The following WDR48 variants were observed in gnomAD, a reference collection of about 807,000 sequenced individuals.
The protein encoded by WDR48 is WD repeat domain 48.
A neutral mutation model predicts 94.0 loss-of-function variants in WDR48; 22 were observed. The observed-to-expected ratio is 0.23, with a 90% CI of 0.17 to 0.33. The LOEUF (loss-of-function observed/expected upper bound fraction) is 0.33. WDR48 is among the 10% of genes least tolerant of loss of function. The probability of loss-of-function intolerance (pLI) is 1.00; values close to 1 mark genes in which losing one functional copy is unlikely to be tolerated. For synonymous variants in WDR48, 278 were observed against 280.5 expected, an observed-to-expected ratio of 0.99 and a Z score of 0.09; for missense variants, 541 against 813.8, an observed-to-expected ratio of 0.66 and a Z score of 4.08.
At chr3:39,087,675 G>C (rs894238197) in intron 14 of WDR48, 1 of 159,340 alleles carries the variant, frequency 6.3e-6, no homozygotes, top group Non-Finnish European at 1.4e-5. Flanking sequence ...GCAAAATTGT[G>C]GACTCCTTGA....
intron 1 of WDR48, among the ~76,000 whole-genome samples, chr3:39,053,667 T>C (rs2125627666): frequency 6.6e-6 from 1 of 152,278 alleles, no homozygotes; most frequent in Admixed American, 6.5e-5. Flanking sequence ...TTAAAACTCC[T>C]ATTACTGCAG....
intron 8 of WDR48, among the ~76,000 whole-genome samples, chr3:39,076,336 G>A (rs533174357): frequency 6.6e-6 from 1 of 152,320 alleles, no homozygotes; most frequent in Admixed American, 6.5e-5. Flanking sequence ...TACAACATGT[G>A]TGCAGGCAGC....
At chr3:39,090,895 T>C (rs2035043840) in intron 16 of WDR48, 3 of 152,248 alleles carry the variant, frequency 2.0e-5, no homozygotes, top group African/African-American at 7.2e-5. Context: ...TCTCTATGCC[T>C]GAGCACCCCA....
chr3:39,073,743 C>G (rs987220238), intron 7 of WDR48, among the ~76,000 whole-genome samples: 1 of 152,168 alleles, frequency 6.6e-6, no homozygotes. Flanking sequence ...CTTGAGCCAT[C>G]AGAAATTGTC....
rs575178247 is a variant in WDR48 at position 39,059,639 on chromosome 3, T to C, written c.49-3411T>C. On this transcript the variant is annotated intron_variant, in intron 1 of 18. Transcript: ENST00000302313. ...AAAAGCTGGTTTGAGTAGATCTCAG[T>C]TACAGTTAATTGCATCCAAAAGACT... is the stretch of plus-strand genomic sequence containing the variant. 2.0e-5 allele frequency among the ~76,000 whole-genome samples: 3 copies of C among 152,252 alleles called. No homozygotes were observed. The East Asian group carries it at 5.8e-4, about 29-fold the overall frequency.
At chr3:39,068,170 TAA>T (rs1237134303) in intron 5 of WDR48, among the ~76,000 whole-genome samples, 1 of 152,212 alleles carries the variant, frequency 6.6e-6, no homozygotes, top group African/African-American at 2.4e-5. Context: ...GACATTTTTC[TAA>T]ACAGTACATG....
chr3:39,093,505 G>A (rs1043184904), intron 17 of WDR48, among the ~76,000 whole-genome samples: 1 of 152,096 alleles, frequency 6.6e-6, no homozygotes, highest in Non-Finnish European at 1.5e-5. Flanking sequence ...CTAATTTTTT[G>A]TATTTTAGTA....
intron 5 of WDR48, 145 bp downstream of exon 5, chr3:39,067,020 A>G: frequency 2.1e-6 from 2 of 944,274 alleles, no homozygotes; most frequent in South Asian, 1.7e-5. Flanking sequence ...CTGGCCCCCA[A>G]GAGTATGATT....
At chr3:39,062,796 C>G (rs535655484) in intron 1 of WDR48, among the ~76,000 whole-genome samples, 1 of 152,278 alleles carries the variant, frequency 6.6e-6, no homozygotes, top group Admixed American at 6.5e-5. Flanking sequence ...GGACTAAAGA[C>G]TGGGAAAGGA....
At chr3:39,074,662 G>A (rs2034119324) in intron 7 of WDR48, 64 bp from the exon 8 acceptor site, 1 of 1,530,384 alleles carries the variant, frequency 6.5e-7, no homozygotes, top group Admixed American at 1.7e-5. Context: ...GAGAAGTCAA[G>A]TGCAAAGCAC....
intron 11 of WDR48, among the ~76,000 whole-genome samples, chr3:39,082,590 T>C (rs1360608601): frequency 6.6e-6 from 1 of 152,158 alleles, no homozygotes; most frequent in Non-Finnish European, 1.5e-5. Flanking sequence ...ACAGGAGTGA[T>C]ACTTTAATGA....
chr3:39,062,627 C>G (rs777127607), intron 1 of WDR48, among the ~76,000 whole-genome samples: 2 of 152,150 alleles, frequency 1.3e-5, no homozygotes, highest in Non-Finnish European at 2.9e-5. Flanking sequence ...TGCACCAGAA[C>G]CTGGAGCAGA....
chr3:39,094,662 T>C lies in WDR48; in HGVS notation c.1953T>C (p.Asn651=). The part of the protein sequence containing the change: ...LLCQDQVLDP[N]MDLRTVKHFI... ...TGGCTATTCAGGTTTTGGATCCAAATATGGACCTTCGAACAGTGAAACACT... is the reference window on the plus strand; with the variant it reads ...TGGCTATTCAGGTTTTGGATCCAAACATGGACCTTCGAACAGTGAAACACT... The change falls in exon 19 of 19, where the codon AAT becomes AAC. Residue 651 remains asparagine (N), a synonymous_variant. Transcript: ENST00000302313. The C allele has an allele frequency of 6.2e-7, 1 of 1,614,172 alleles. No individual in the cohort carries two copies. Among genetic ancestry groups the C allele is most frequent in the Non-Finnish European group, 8.5e-7 (1 of 1,180,040 alleles).
rs750592698 is a variant in WDR48 at position 39,069,752 on chromosome 3, G to A, written c.672+8G>A. 2.5e-6 allele frequency: 4 copies of A among 1,609,294 alleles called. No individual in the cohort carries two copies. In the East Asian group the frequency reaches 6.7e-5, roughly 27 times the overall value. On this transcript the variant is annotated splice_region_variant and intron_variant, in intron 7 of 18. Coordinates refer to ENST00000302313, the MANE Select transcript of WDR48 (RefSeq NM_020839.4). ...AACAGAGATGGCACGCAAGTATGCAGTTTCATTTGGGTGTTTACCTAATAA... is the reference window on the plus strand; with the variant it reads ...AACAGAGATGGCACGCAAGTATGCAATTTCATTTGGGTGTTTACCTAATAA...
intron 15 of WDR48, 118 bp from the exon 16 acceptor site, chr3:39,089,113 G>T: frequency 1.2e-6 from 1 of 834,706 alleles, no homozygotes; most frequent in Non-Finnish European, 1.9e-6. Context: ...TTCCTCAGCT[G>T]TCAAGTGGGG....
At position 39,069,733 on chromosome 3, in the gene WDR48, G is replaced by C; in HGVS notation, c.661G>C (p.Asp221His). The C allele has an allele frequency of 6.2e-7, 1 of 1,612,574 alleles. No individual in the cohort carries two copies. The highest frequency in any genetic ancestry group is 8.5e-7 in the Non-Finnish European group (1 of 1,179,166). ...TGTGAAGGCATTGCTATTAAACAGA[G>C]ATGGCACGCAAGTATGCAGTTTCAT... ...DNVKALLLNRDGTQCLSGSSD... is the reference protein window; with the variant it reads ...DNVKALLLNRHGTQCLSGSSD... Residue 221 changes from aspartate to histidine, a missense_variant, in exon 7 of 19, where the codon GAT becomes CAT. This residue lies in a region of WDR48 where 104 missense variants were observed against 189.7 expected (regional missense o/e 0.55). Coordinates refer to ENST00000302313, the MANE Select transcript of WDR48 (RefSeq NM_020839.4).
Position 39,089,241 on chromosome 3 carries a change from C to T in WDR48, c.1591C>T (p.Arg531Ter). The T allele has an allele frequency of 3.7e-6, 6 of 1,612,932 alleles. No individual in the cohort carries two copies. Among genetic ancestry groups the T allele is most frequent in the Non-Finnish European group, 5.1e-6 (6 of 1,179,472 alleles). The change falls in exon 16 of 19, where the codon CGA becomes TGA. Residue 531 changes from arginine (R) to a stop codon, truncating the protein, a stop_gained. Coordinates refer to ENST00000302313, the MANE Select transcript of WDR48 (RefSeq NM_020839.4). LOFTEE classifies it high-confidence loss of function. Reference protein sequence around the residue: ...GGRTLFRLLCRDSGGETESML... With the variant: ...GGRTLFRLLC ...ATGGTTTATGTTTAGGCTGCTCTGCCGAGATTCCGGGGGTGAGACTGAGTC... is the reference window on the plus strand; with the variant it reads ...ATGGTTTATGTTTAGGCTGCTCTGCTGAGATTCCGGGGGTGAGACTGAGTC...
chr3:39,060,038 G>A (rs1168372458), intron 1 of WDR48, among the ~76,000 whole-genome samples: 1 of 151,954 alleles, frequency 6.6e-6, no homozygotes, highest in Admixed American at 6.6e-5. Context: ...AGTCTTGCTC[G>A]TGTTACTTTT....
intron 2 of WDR48, among the ~76,000 whole-genome samples, chr3:39,065,190 G>A (rs9311204): frequency 0.015 from 2,274 of 152,266 alleles, 62 homozygotes; most frequent in African/African-American, 0.051. Context: ...AAGAGAAGTA[G>A]AATCTCGAAT....
Sources: allele counts gnomAD v4.1 joint callset (sites outside exome capture counted in the v4.1 genomes callset), GRCh38; gene constraint gnomAD v4.1.1; regional missense constraint gnomAD v4.1.1; transcripts MANE v1.5; gene names NCBI Gene and HGNC (gene_info 2026-07-23, HGNC 2026-07-21).